GRID1: variants seen among roughly 807,000 people sequenced by gnomAD.
The protein encoded by GRID1 is glutamate ionotropic receptor delta type subunit 1, also known as glutamate receptor ionotropic, delta-1.
Under a neutral mutation model 98.0 loss-of-function variants are expected in GRID1, and 28 were observed. The observed-to-expected ratio is 0.29, with a 90% confidence interval of 0.21 to 0.39. GRID1 has a LOEUF of 0.39. Among genes scored for constraint, GRID1 ranks in the 10% least tolerant of loss-of-function variants. The pLI is 1.00. For synonymous variants in GRID1, 553 were observed against 538.5 expected, an observed-to-expected ratio of 1.03 and a Z score of -0.37; for missense variants, 1,111 against 1,340.5, an observed-to-expected ratio of 0.83 and a Z score of 2.67.
intron 3 of GRID1, among the ~76,000 whole-genome samples, chr10:86,166,073 G>A (rs946431865): frequency 2.0e-5 from 3 of 152,130 alleles, no homozygotes; most frequent in African/African-American, 4.8e-5. Flanking sequence ...CATCACGTGC[G>A]TTCTGTTGTT....
chr10:86,355,699 G>A (rs1239991764), intron 2 of GRID1, among the ~76,000 whole-genome samples: 1 of 152,286 alleles, frequency 6.6e-6, no homozygotes, highest in Non-Finnish European at 1.5e-5. Flanking sequence ...TACAGGCTGG[G>A]AGGAAGGGCT....
chr10:85,777,176 T>C (rs556160456), intron 8 of GRID1, among the ~76,000 whole-genome samples: 24 of 152,284 alleles, frequency 1.6e-4, no homozygotes, highest in Admixed American at 1.4e-3. Flanking sequence ...TCTGCCCTAA[T>C]AAGTGGGCAT....
At chr10:85,699,232 T>A (rs1181681442) in intron 12 of GRID1, among the ~76,000 whole-genome samples, 1 of 152,094 alleles carries the variant, frequency 6.6e-6, no homozygotes, top group African/African-American at 2.4e-5. Flanking sequence ...TTTGTATTTT[T>A]AGTAACTATG....
chr10:86,093,310 C>T (rs1412071411), intron 4 of GRID1, among the ~76,000 whole-genome samples: 2 of 151,360 alleles, frequency 1.3e-5, no homozygotes, highest in South Asian at 4.2e-4. Context: ...AAGGTCACAC[C>T]TCAAGGAACT....
At chr10:85,789,703 C>T (rs1180452615) in intron 8 of GRID1, among the ~76,000 whole-genome samples, 1 of 152,164 alleles carries the variant, frequency 6.6e-6, no homozygotes, top group African/African-American at 2.4e-5. Flanking sequence ...GGCTTCAGAA[C>T]TGCCCATGGA....
chr10:86,212,906 G>T (rs749956356), intron 2 of GRID1, among the ~76,000 whole-genome samples: 3 of 152,110 alleles, frequency 2.0e-5, no homozygotes, highest in Non-Finnish European at 4.4e-5. Flanking sequence ...ATAAAATGGT[G>T]GGGGGATGGG....
At chr10:85,859,757 C>T (rs1315292406) in intron 6 of GRID1, among the ~76,000 whole-genome samples, 1 of 152,182 alleles carries the variant, frequency 6.6e-6, no homozygotes, top group Non-Finnish European at 1.5e-5. Flanking sequence ...CATCTTCTCT[C>T]CAACCTCAGC....
At chr10:85,827,594 T>C (rs1842831491) in intron 8 of GRID1, among the ~76,000 whole-genome samples, 1 of 151,872 alleles carries the variant, frequency 6.6e-6, no homozygotes, top group Non-Finnish European at 1.5e-5. Flanking sequence ...GAGGATACTG[T>C]CCATGAAGGT....
At chr10:85,646,075 A>C (rs1843184759) in intron 13 of GRID1, 1 of 153,198 alleles carries the variant, frequency 6.5e-6, no homozygotes, top group African/African-American at 2.4e-5. Context: ...AAGGCCAAGA[A>C]GTCACTGGAG....
At chr10:86,332,751 C>T (rs1021922623) in intron 2 of GRID1, among the ~76,000 whole-genome samples, 3 of 149,896 alleles carry the variant, frequency 2.0e-5, no homozygotes, top group Admixed American at 6.6e-5. Context: ...TGGTCTACAC[C>T]GACCTCACAT....
At chr10:85,719,836 T>TA (rs1841680269) in intron 12 of GRID1, among the ~76,000 whole-genome samples, 1 of 152,134 alleles carries the variant, frequency 6.6e-6, no homozygotes, top group African/African-American at 2.4e-5. Context: ...TGTAAAAATA[T>TA]AAAAATGTTA....
At chr10:85,738,241 A>G (rs770625907) in intron 8 of GRID1, among the ~76,000 whole-genome samples, 12 of 152,222 alleles carry the variant, frequency 7.9e-5, no homozygotes, top group Non-Finnish European at 1.3e-4. Context: ...TTATTTTTCC[A>G]AAGAGGAAGA....
chr10:86,037,536 T>C (rs749070394), intron 4 of GRID1, among the ~76,000 whole-genome samples: 1 of 152,240 alleles, frequency 6.6e-6, no homozygotes, highest in Non-Finnish European at 1.5e-5. Context: ...TTCTAAGATG[T>C]GCTTCCCTTA....
At chr10:85,961,181 T>A (rs562072080) in intron 4 of GRID1, among the ~76,000 whole-genome samples, 1 of 152,208 alleles carries the variant, frequency 6.6e-6, no homozygotes, top group South Asian at 2.1e-4. Flanking sequence ...AATGAAATAA[T>A]GTACATGAAA....
chr10:86,121,532 TCA>T, intron 4 of GRID1, among the ~76,000 whole-genome samples: 1 of 152,206 alleles, frequency 6.6e-6, no homozygotes. Context: ...ATCATCACCA[TCA>T]TCACCATCAC....
rs544461901 is a variant in GRID1, at chr10:86,251,104, C to T, written c.236-44456G>A. ...CACTAAGGGTTAAATGGATTAAGGG[C>T]GGTGCAAGTTGTGCTTTGTTAAACA... On this transcript the variant is annotated intron_variant, in intron 2 of 15. Coordinates refer to ENST00000327946, the MANE Select transcript of GRID1 (RefSeq NM_017551.3). 3.5e-4 allele frequency among the ~76,000 whole-genome samples: 54 copies of T among 152,200 alleles called. 1 individual carries two copies. The South Asian group carries it at 9.6e-3, about 27-fold the overall frequency.
chr10:86,123,506 A>C (rs1844707897), intron 4 of GRID1, among the ~76,000 whole-genome samples: 1 of 152,172 alleles, frequency 6.6e-6, no homozygotes, highest in Non-Finnish European at 1.5e-5. Flanking sequence ...ACATGTCCAC[A>C]CACTGGCATC....
chr10:85,696,219 G>A (rs1841391212), intron 12 of GRID1, among the ~76,000 whole-genome samples: 1 of 152,010 alleles, frequency 6.6e-6, no homozygotes, highest in African/African-American at 2.4e-5. Context: ...AGATATGAGT[G>A]CATGTTAAAC....
intron 15 of GRID1, among the ~76,000 whole-genome samples, chr10:85,608,321 T>C (rs1325006625): frequency 1.3e-5 from 2 of 152,168 alleles, no homozygotes; most frequent in South Asian, 2.1e-4. Flanking sequence ...ATCTCCCTAA[T>C]ATGACCCTTT....
Sources: gnomAD v4.1 joint callset for allele counts (sites outside exome capture counted in the v4.1 genomes callset) on GRCh38, gnomAD v4.1.1 for gene constraint, MANE v1.5 for transcripts, NCBI Gene and HGNC (gene_info 2026-07-23, HGNC 2026-07-21) for gene names.